COL4A2: variants seen among roughly 807,000 people sequenced by gnomAD.
COL4A2 encodes collagen alpha-2(IV) chain.
A neutral mutation model predicts 200.2 loss-of-function variants in COL4A2; 99 were observed. That is an observed-to-expected ratio of 0.49 (90% confidence interval 0.42 to 0.58). The LOEUF (loss-of-function observed/expected upper bound fraction) is 0.58, where lower values mean the gene tolerates loss of function less well. Among genes scored for constraint, COL4A2 ranks in the 20% least tolerant of loss-of-function variants. The probability of loss-of-function intolerance (pLI) is 0.00; values close to 1 mark genes in which losing one functional copy is unlikely to be tolerated. For missense variants in COL4A2, 1,950 were observed against 2,314.1 expected (o/e 0.84, Z 3.23); for synonymous variants, 897 against 900.6 (o/e 1.00, Z 0.07).
At chr13:110,326,524 G>C (rs1885418437) in intron 3 of COL4A2, among the ~76,000 whole-genome samples, 1 of 152,124 alleles carries the variant, frequency 6.6e-6, no homozygotes, top group Admixed American at 6.5e-5. Flanking sequence ...CTTTCCCTTA[G>C]CACATTGCAG....
chr13:110,333,865 G>T (rs563579153), intron 3 of COL4A2, among the ~76,000 whole-genome samples: 1 of 152,218 alleles, frequency 6.6e-6, no homozygotes, highest in East Asian at 1.9e-4. Context: ...CCTGGGCAAG[G>T]TGCTTTACAC....
At chr13:110,475,794 T>C (rs982076979) in intron 29 of COL4A2, among the ~76,000 whole-genome samples, 2 of 152,220 alleles carry the variant, frequency 1.3e-5, no homozygotes, top group Non-Finnish European at 2.9e-5. Flanking sequence ...ACTCTCGGAA[T>C]GAAGTAATGC....
At chr13:110,434,184 A>G (rs542692311) in intron 11 of COL4A2, among the ~76,000 whole-genome samples, 1 of 152,284 alleles carries the variant, frequency 6.6e-6, no homozygotes, top group Non-Finnish European at 1.5e-5. Flanking sequence ...CTGGGGTCCA[A>G]TCTCAGCTCC....
Position 110,396,951 on chromosome 13 carries a change from A to G in COL4A2, c.181-27783A>G, listed in dbSNP as rs76553899. ...GTGGTTTTATTTTGAGTTTGAAGTC[A>G]GAGCACTGAATTCCACAAGGCTTGA... On this transcript the variant is annotated intron_variant, in intron 4 of 47. Coordinates refer to ENST00000360467, the MANE Select transcript of COL4A2 (RefSeq NM_001846.4). Among the ~76,000 whole-genome samples, 311 of 152,356 alleles carry G rather than the reference A, an allele frequency of 2.0e-3. 2 individuals carry two copies. Among genetic ancestry groups the G allele is most frequent in the African/African-American group, 7.4e-3 (306 of 41,578 alleles).
intron 3 of COL4A2, among the ~76,000 whole-genome samples, chr13:110,322,581 C>T (rs777757307): frequency 1.3e-5 from 2 of 152,210 alleles, no homozygotes; most frequent in African/African-American, 2.4e-5. Context: ...TGAGAGGAGG[C>T]TGTGATCGGG....
Position 110,415,584 on chromosome 13 carries a change from A to G in COL4A2, c.181-9150A>G, listed in dbSNP as rs146479937. ...ATGTGGTGTGTGTTTGTATTATCGTAGCGGAACCAACTCAATATAATGCTA... is the reference window on the plus strand; with the variant it reads ...ATGTGGTGTGTGTTTGTATTATCGTGGCGGAACCAACTCAATATAATGCTA... On this transcript the variant is annotated intron_variant, in intron 4 of 47. Coordinates refer to ENST00000360467, the MANE Select transcript of COL4A2 (RefSeq NM_001846.4). 1.4e-3 allele frequency among the ~76,000 whole-genome samples: 209 copies of G among 152,312 alleles called. 1 individual carries two copies. The highest frequency in any genetic ancestry group is 4.8e-3 in the African/African-American group (201 of 41,552).
chr13:110,314,921 G>T (rs1422205735), intron 3 of COL4A2, among the ~76,000 whole-genome samples: 1 of 152,212 alleles, frequency 6.6e-6, no homozygotes, highest in Non-Finnish European at 1.5e-5. Context: ...GAAAGGGACA[G>T]GCCATGGCAG....
intron 3 of COL4A2, among the ~76,000 whole-genome samples, chr13:110,322,566 G>T (rs1296297427): frequency 6.6e-6 from 1 of 152,172 alleles, no homozygotes; most frequent in Non-Finnish European, 1.5e-5. Context: ...CCCCGGGAGG[G>T]GCTGTGAGAG....
chr13:110,419,534 C>T (rs75606265), intron 4 of COL4A2, among the ~76,000 whole-genome samples: 3,651 of 152,294 alleles, frequency 0.024, 150 homozygotes, highest in African/African-American at 0.084. Flanking sequence ...ACTGCGTGTG[C>T]CCGTATCTGA....
At chr13:110,339,362 G>C (rs1876350082) in intron 3 of COL4A2, among the ~76,000 whole-genome samples, 1 of 152,176 alleles carries the variant, frequency 6.6e-6, no homozygotes, top group Non-Finnish European at 1.5e-5. Context: ...CATATTTGGG[G>C]CTTCATCTTA....
rs74124335 is a variant in COL4A2 at position 110,441,121 on chromosome 13, C to T, written c.957+1288C>T. Among the ~76,000 whole-genome samples, 181 of 152,306 alleles carry T rather than the reference C, an allele frequency of 1.2e-3. 1 individual carries two copies. Among genetic ancestry groups the T allele is most frequent in the African/African-American group, 4.2e-3 (176 of 41,580 alleles). ...GGGCTAGTATGTCCATCACTCAGTC[C>T]TAGTAGGTGCACAGAGATAGAGTTT... is the stretch of plus-strand genomic sequence containing the variant. On this transcript the variant is annotated intron_variant, in intron 16 of 47. Transcript: ENST00000360467.
At chr13:110,412,374 T>C (rs1468265416) in intron 4 of COL4A2, among the ~76,000 whole-genome samples, 1 of 152,130 alleles carries the variant, frequency 6.6e-6, no homozygotes, top group Non-Finnish European at 1.5e-5. Flanking sequence ...TCACTGCCGC[T>C]TGCAAATCTG....
intron 30 of COL4A2, among the ~76,000 whole-genome samples, chr13:110,478,570 T>G (rs183406750): frequency 0.045 from 6,769 of 152,060 alleles, 445 homozygotes; most frequent in African/African-American, 0.15. Flanking sequence ...GAGGGGAGGC[T>G]CGGCTGCATG....
intron 4 of COL4A2, among the ~76,000 whole-genome samples, chr13:110,377,674 T>C (rs576529074): frequency 3.5e-4 from 53 of 152,352 alleles, no homozygotes; most frequent in Admixed American, 1.3e-3. Flanking sequence ...CCCGCCTTCA[T>C]ATTTTTGGCT....
At chr13:110,322,890 C>T (rs944416924) in intron 3 of COL4A2, among the ~76,000 whole-genome samples, 3 of 152,176 alleles carry the variant, frequency 2.0e-5, no homozygotes, top group African/African-American at 4.8e-5. Flanking sequence ...TCTCTGCAGG[C>T]GCAGCTGGCA....
chr13:110,359,649 G>T (rs1028228529), intron 4 of COL4A2, among the ~76,000 whole-genome samples: 1 of 152,140 alleles, frequency 6.6e-6, no homozygotes, highest in African/African-American at 2.4e-5. Context: ...CAGGAAGAAC[G>T]ACCCTCTGCT....
At chr13:110,359,573 A>C (rs142256543) in intron 4 of COL4A2, among the ~76,000 whole-genome samples, 2 of 152,140 alleles carry the variant, frequency 1.3e-5, no homozygotes, top group Non-Finnish European at 2.9e-5. Flanking sequence ...TGGGTGTCCA[A>C]ATGAGTTTCC....
intron 4 of COL4A2, among the ~76,000 whole-genome samples, chr13:110,384,210 G>A (rs373677110): frequency 2.6e-5 from 4 of 152,172 alleles, no homozygotes; most frequent in African/African-American, 7.2e-5. Flanking sequence ...AAATTAGGTC[G>A]TAATCATACA....
intron 4 of COL4A2, among the ~76,000 whole-genome samples, chr13:110,389,630 G>C (rs1056973981): frequency 2.0e-5 from 3 of 152,206 alleles, no homozygotes; most frequent in Non-Finnish European, 4.4e-5. Flanking sequence ...CAAATCGACT[G>C]TAGGCTGTGC....
Sources: gnomAD v4.1 joint callset for allele counts (sites outside exome capture counted in the v4.1 genomes callset) on GRCh38, gnomAD v4.1.1 for gene constraint, MANE v1.5 for transcripts, NCBI Gene and HGNC (gene_info 2026-07-23, HGNC 2026-07-21) for gene names.